Variants in MARCHF1 observed in about 807,000 individuals in gnomAD.
MARCHF1 encodes the protein E3 ubiquitin-protein ligase MARCHF1.
Under a neutral mutation model 54.2 loss-of-function variants are expected in MARCHF1, and 40 were observed. The observed-to-expected ratio is 0.74, with a 90% CI of 0.57 to 0.96. The LOEUF (loss-of-function observed/expected upper bound fraction) is 0.96, where lower values mean the gene tolerates loss of function less well. MARCHF1 is among the 40% of genes least tolerant of loss of function. MARCHF1 has a pLI of 0.00. For missense variants in MARCHF1, 586 were observed against 656.5 expected (o/e 0.89, Z 1.17); for synonymous variants, 236 against 236.3 (o/e 1.00, Z 0.01).
chr4:163,527,721 CG>C lies in MARCHF1; in HGVS notation c.*1026del, dbSNP rs1560922582. The C allele has an allele frequency of 6.6e-6, 1 of 151,676 alleles. No individual in the cohort carries two copies. The highest frequency in any genetic ancestry group is 2.4e-5 in the African/African-American group (1 of 41,386). The allele number at this position is 151,676 out of a possible 1,614,324, so 9.4% of individuals were successfully genotyped here. ...AGCAGAAGCTTAGTCTCTAATTTTA[CG>C]GCTGTGCTATCCAATATAGTTAATT... is the stretch of plus-strand genomic sequence containing the variant. On this transcript the variant is annotated 3_prime_UTR_variant, in exon 10 of 10. Transcript: ENST00000514618.
chr4:164,090,240 CT>C (rs1345288668), intron 2 of MARCHF1, among the ~76,000 whole-genome samples: 1 of 151,896 alleles, frequency 6.6e-6, no homozygotes, highest in Non-Finnish European at 1.5e-5. Context: ...ACAGCTGAGA[CT>C]TTTTGAAACA....
intron 1 of MARCHF1, chr4:164,189,022 G>A (rs1336910100): frequency 1.4e-6 from 1 of 694,222 alleles, no homozygotes; most frequent in Admixed American, 2.1e-5. Context: ...ATAAGAGGGA[G>A]GGGGAGAAGA....
intron 1 of MARCHF1, among the ~76,000 whole-genome samples, chr4:164,183,348 T>C (rs1730883557): frequency 6.6e-6 from 1 of 152,206 alleles, no homozygotes; most frequent in Non-Finnish European, 1.5e-5. Context: ...TTCAAATCTT[T>C]ACTTTTTGAT....
Position 163,525,930 on chromosome 4 carries a change from G to GTTAT in MARCHF1, c.*2814_*2817dup, listed in dbSNP as rs924570041. 6 of 152,120 alleles carry GTTAT rather than the reference G, an allele frequency of 3.9e-5. No individual in the cohort carries two copies. Among genetic ancestry groups the GTTAT allele is most frequent in the Admixed American group, 3.9e-4 (6 of 15,262 alleles). The allele number at this position is 152,120 out of a possible 1,614,324, so 9.4% of individuals were successfully genotyped here. On this transcript the variant is annotated 3_prime_UTR_variant, in exon 10 of 10. Coordinates refer to ENST00000514618, the MANE Select transcript of MARCHF1 (RefSeq NM_001394959.1). ...CAACATTAGATTTTAAATGCAGGTA[G>GTTAT]TTATTTCAGATGTTTGAACCATAAA... is the stretch of plus-strand genomic sequence containing the variant.
At chr4:163,571,195 T>C (rs1739832235) in intron 8 of MARCHF1, among the ~76,000 whole-genome samples, 1 of 152,128 alleles carries the variant, frequency 6.6e-6, no homozygotes, top group African/African-American at 2.4e-5. Flanking sequence ...ACTTTAATAG[T>C]TGGAATTGGA....
At chr4:163,642,617 T>C (rs1188541907) in intron 5 of MARCHF1, among the ~76,000 whole-genome samples, 2 of 151,822 alleles carry the variant, frequency 1.3e-5, no homozygotes, top group Non-Finnish European at 2.9e-5. Context: ...TACAATTAGA[T>C]TGTTTTGTGT....
rs951710851 is a variant in MARCHF1 at position 163,916,932 on chromosome 4, G to C, written c.-38-62763C>G. ...CTATGGGTTTTGACAAATGTATAAT[G>C]ATATGTATCTACCATTATAGGATCA... On this transcript the variant is annotated intron_variant, in intron 3 of 9. Coordinates refer to ENST00000514618, the MANE Select transcript of MARCHF1 (RefSeq NM_001394959.1). Among the ~76,000 whole-genome samples, 5 of 152,006 alleles carry C rather than the reference G, an allele frequency of 3.3e-5. No homozygotes were observed. In the South Asian group the frequency reaches 6.2e-4, roughly 19 times the overall value.
intron 2 of MARCHF1, among the ~76,000 whole-genome samples, chr4:164,012,834 C>T (rs749284002): frequency 2.0e-5 from 3 of 152,054 alleles, no homozygotes; most frequent in Non-Finnish European, 1.5e-5. Context: ...GCTTATGGAG[C>T]CCCCTAGTGC....
chr4:163,578,368 TTAAAG>T (rs1740107288), intron 8 of MARCHF1, among the ~76,000 whole-genome samples: 1 of 152,140 alleles, frequency 6.6e-6, no homozygotes, highest in African/African-American at 2.4e-5. Flanking sequence ...ATTAACAGAA[TTAAAG>T]TAGTGTATCA....
At chr4:164,171,358 A>G (rs1235415134) in intron 1 of MARCHF1, among the ~76,000 whole-genome samples, 2 of 152,116 alleles carry the variant, frequency 1.3e-5, no homozygotes, top group Non-Finnish European at 2.9e-5. Context: ...TATATAATTA[A>G]GCAACATTAA....
At chr4:163,669,940 C>T (rs1407498775) in intron 5 of MARCHF1, among the ~76,000 whole-genome samples, 2 of 152,064 alleles carry the variant, frequency 1.3e-5, no homozygotes. Flanking sequence ...ACTATTTTCT[C>T]ACCATCTTCT....
intron 4 of MARCHF1, among the ~76,000 whole-genome samples, chr4:163,837,843 C>T (rs963088380): frequency 3.3e-5 from 5 of 151,954 alleles, no homozygotes; most frequent in Admixed American, 6.6e-5. Flanking sequence ...ACCTAATAAC[C>T]GCAAAATGCA....
chr4:164,000,509 CAA>C (rs897770328), intron 2 of MARCHF1, among the ~76,000 whole-genome samples: 14 of 151,430 alleles, frequency 9.2e-5, no homozygotes, highest in East Asian at 3.9e-4. Context: ...AGAGAAAGCA[CAA>C]GAGAGAGAGA....
At chr4:163,597,537 G>A (rs1212934683) in intron 7 of MARCHF1, among the ~76,000 whole-genome samples, 3 of 152,098 alleles carry the variant, frequency 2.0e-5, no homozygotes, top group Non-Finnish European at 4.4e-5. Flanking sequence ...AAGGAAACAT[G>A]AAAATCTAAA....
chr4:163,900,683 A>G (rs1368451334), intron 3 of MARCHF1, among the ~76,000 whole-genome samples: 1 of 152,166 alleles, frequency 6.6e-6, no homozygotes, highest in Non-Finnish European at 1.5e-5. Context: ...TTCCGCTGGC[A>G]TGGATGAAAG....
At chr4:163,974,716 C>T (rs902667734) in intron 3 of MARCHF1, among the ~76,000 whole-genome samples, 1 of 152,156 alleles carries the variant, frequency 6.6e-6, no homozygotes, top group Non-Finnish European at 1.5e-5. Context: ...TCTGCCCTGG[C>T]TTTGAGAGCA....
chr4:164,004,440 C>T (rs558497394), intron 2 of MARCHF1, among the ~76,000 whole-genome samples: 1 of 152,116 alleles, frequency 6.6e-6, no homozygotes, highest in Non-Finnish European at 1.5e-5. Context: ...TTACAGTTTA[C>T]AATTTCAAAA....
At chr4:163,721,904 T>C (rs1355185758) in intron 4 of MARCHF1, among the ~76,000 whole-genome samples, 1 of 152,154 alleles carries the variant, frequency 6.6e-6, no homozygotes, top group Non-Finnish European at 1.5e-5. Context: ...ATTGCGCCTA[T>C]TTGATGCTTC....
chr4:163,893,967 C>T (rs1407194911), intron 3 of MARCHF1, among the ~76,000 whole-genome samples: 3 of 152,134 alleles, frequency 2.0e-5, no homozygotes, highest in African/African-American at 7.2e-5. Context: ...GGTGAAATAG[C>T]ATAGGAACAC....
Sources: gnomAD v4.1 joint callset for allele counts (sites outside exome capture counted in the v4.1 genomes callset) on GRCh38, gnomAD v4.1.1 for gene constraint, MANE v1.5 for transcripts, NCBI Gene and HGNC (gene_info 2026-07-23, HGNC 2026-07-21) for gene names.